IL23R: variants seen among roughly 807,000 people sequenced by gnomAD.
The protein encoded by IL23R is interleukin-23 receptor.
A neutral mutation model predicts 56.9 loss-of-function variants in IL23R; 34 were observed. That is an observed-to-expected ratio of 0.60 (90% CI 0.45 to 0.80). The LOEUF (loss-of-function observed/expected upper bound fraction) is 0.80, where lower values mean the gene tolerates loss of function less well. Ranked by LOEUF, IL23R falls within the 30% of genes least tolerant of loss-of-function variation. The pLI, the probability that IL23R is intolerant of heterozygous loss-of-function variation, is 0.00. For missense variants in IL23R, 635 were observed against 730.0 expected (o/e 0.87, Z 1.50); for synonymous variants, 230 against 249.2 (o/e 0.92, Z 0.73).
chr1:67,180,796 C>T (rs964530058), intron 3 of IL23R, among the ~76,000 whole-genome samples: 45 of 152,090 alleles, frequency 3.0e-4, no homozygotes, highest in Admixed American at 7.2e-4. Context: ...CCTTCAGGAG[C>T]TCTTTTAGGG....
chr1:67,213,444 A>G (rs537085032), intron 6 of IL23R, among the ~76,000 whole-genome samples: 11 of 152,178 alleles, frequency 7.2e-5, no homozygotes, highest in Non-Finnish European at 1.2e-4. Flanking sequence ...CCTTTAGCTA[A>G]GGTACATACA....
chr1:67,148,338 A>G (rs1646700369), intron 1 of IL23R, among the ~76,000 whole-genome samples: 2 of 152,262 alleles, frequency 1.3e-5, no homozygotes, highest in South Asian at 4.1e-4. Flanking sequence ...CAGAGCTCCC[A>G]TAGAAGGGGA....
chr1:67,157,839 T>C (rs757324041), intron 1 of IL23R, among the ~76,000 whole-genome samples: 1 of 152,240 alleles, frequency 6.6e-6, no homozygotes, highest in East Asian at 1.9e-4. Context: ...GAAAACTCCA[T>C]GGGGACCAAA....
At chr1:67,223,956 T>C (rs1433943859) in intron 7 of IL23R, among the ~76,000 whole-genome samples, 1 of 151,490 alleles carries the variant, frequency 6.6e-6, no homozygotes, top group Non-Finnish European at 1.5e-5. Context: ...TGCTGATGTA[T>C]GTTGTCGAAC....
In IL23R at chr1:67,237,536, A is replaced by G. The variant is rs1053514963; in HGVS notation, c.1045+734A>G. Among the ~76,000 whole-genome samples, 16 of 152,380 alleles carry G rather than the reference A, an allele frequency of 1.1e-4. 1 individual carries two copies. The highest frequency in any genetic ancestry group is 3.8e-4 in the African/African-American group (16 of 41,600). On this transcript the variant is annotated intron_variant, in intron 8 of 10. Coordinates refer to ENST00000347310, the MANE Select transcript of IL23R (RefSeq NM_144701.3). Reference sequence around the variant, plus strand: ...GTAGTTGAGGAAACTTTTCAAGGTCATAGAGCTGCTAAGTGACAGACTAAA... The same window carrying G: ...GTAGTTGAGGAAACTTTTCAAGGTCGTAGAGCTGCTAAGTGACAGACTAAA...
At chr1:67,141,381 T>G (rs1646636086) in intron 1 of IL23R, among the ~76,000 whole-genome samples, 1 of 152,160 alleles carries the variant, frequency 6.6e-6, no homozygotes, top group African/African-American at 2.4e-5. Context: ...GCCAAAAGAC[T>G]TTTTTCTTCT....
chr1:67,254,753 A>G (rs1331963696), intron 9 of IL23R, among the ~76,000 whole-genome samples: 1 of 152,220 alleles, frequency 6.6e-6, no homozygotes, highest in East Asian at 1.9e-4. Flanking sequence ...GTCTGAGATC[A>G]GTTTAGTCTC....
At position 67,218,323 on chromosome 1, in the gene IL23R, CATAT is replaced by C. The variant is rs775247599; in HGVS notation, c.799-1250_799-1247del. 3.1e-4 allele frequency among the ~76,000 whole-genome samples: 34 copies of C among 108,466 alleles called. No homozygotes were observed. In the South Asian group the frequency reaches 3.2e-3, roughly 10 times the overall value. The allele number at this position is 108,466 out of a possible 152,430, so 71.2% of individuals were successfully genotyped here. On this transcript the variant is annotated intron_variant, in intron 6 of 10. Coordinates refer to ENST00000347310, the MANE Select transcript of IL23R (RefSeq NM_144701.3). The stretch of plus-strand genomic sequence containing the variant: ...ATATATACATATATACACATATATG[CATAT>C]GTGTGTGTGTGTGTGTGTGTGTGTG...
chr1:67,204,905 A>G (rs553527792), intron 5 of IL23R, among the ~76,000 whole-genome samples: 2 of 152,136 alleles, frequency 1.3e-5, no homozygotes, highest in Non-Finnish European at 2.9e-5. Context: ...CAGCCTCCCA[A>G]GTAGCTGGGA....
chr1:67,215,339 A>G (rs553272632), intron 6 of IL23R, among the ~76,000 whole-genome samples: 1 of 152,294 alleles, frequency 6.6e-6, no homozygotes, highest in South Asian at 2.1e-4. Context: ...GGAATTGGGC[A>G]TGTGTTTGCA....
rs1245884517 is a variant in IL23R, at chr1:67,169,280, T to C, written c.71-62T>C. The C allele has an allele frequency of 3.1e-6, 4 of 1,272,226 alleles. No homozygotes were observed. In the African/African-American group the frequency reaches 4.5e-5, roughly 14 times the overall value. 78.8% of individuals were successfully genotyped at this position (1,272,226 alleles called of 1,614,324 possible). A position where few individuals can be genotyped will look rare whatever the true frequency, so the allele number is the denominator to read the frequency against. On this transcript the variant is annotated intron_variant, in intron 2 of 10. Transcript: ENST00000347310. ...ATAAATTTAAAATGCAATAGCATAT[T>C]CTTCTGAATCTCTTGATTTAATGTT...
intron 5 of IL23R, among the ~76,000 whole-genome samples, chr1:67,202,373 T>C (rs1280263644): frequency 1.3e-5 from 2 of 152,162 alleles, no homozygotes; most frequent in Admixed American, 6.5e-5. Flanking sequence ...AGCTGATCTA[T>C]ATTGCCACAA....
chr1:67,255,185 G>A (rs1194445755), intron 9 of IL23R, among the ~76,000 whole-genome samples: 4 of 152,054 alleles, frequency 2.6e-5, no homozygotes, highest in African/African-American at 9.7e-5. Context: ...TAAGTTTTTT[G>A]AACTTTCCCA....
rs78597383 is a variant in IL23R at position 67,184,931 on chromosome 1, C to T, written c.491+1972C>T. 4.2e-3 allele frequency among the ~76,000 whole-genome samples: 645 copies of T among 152,292 alleles called. 11 individuals are homozygous for T. The highest frequency in any genetic ancestry group is 0.032 in the Admixed American group (489 of 15,304). ...CCTCATGGATGGAATTATTGCCCTT[C>T]CATAAGAGGCCTGAAAGAGAGCTTG... is the stretch of plus-strand genomic sequence containing the variant. On this transcript the variant is annotated intron_variant, in intron 4 of 10. Coordinates refer to ENST00000347310, the MANE Select transcript of IL23R (RefSeq NM_144701.3).
intron 4 of IL23R, among the ~76,000 whole-genome samples, chr1:67,183,828 A>C (rs1647199673): frequency 6.6e-6 from 1 of 152,164 alleles, no homozygotes; most frequent in Non-Finnish European, 1.5e-5. Context: ...CCTTATACTA[A>C]GGGGGTTTTC....
At chr1:67,260,950 T>G (rs949436731), downstream of IL23R, among the ~76,000 whole-genome samples, 4 of 152,196 alleles carry the variant, frequency 2.6e-5, no homozygotes, top group Non-Finnish European at 4.4e-5. Context: ...GAATTTCTTT[T>G]TCTCCTCCAA....
At chr1:67,252,439 T>G (rs75949459) in intron 9 of IL23R, among the ~76,000 whole-genome samples, 2,108 of 152,266 alleles carry the variant, frequency 0.014, 40 homozygotes, top group African/African-American at 0.049. Context: ...CCCAGTCCAG[T>G]TTCTGTTGTG....
intron 6 of IL23R, among the ~76,000 whole-genome samples, chr1:67,210,013 C>T (rs933162388): frequency 4.6e-5 from 7 of 151,974 alleles, no homozygotes; most frequent in South Asian, 2.1e-4. Flanking sequence ...AAAAATTGTT[C>T]GGAAAGGAGA....
At chr1:67,151,196 T>C (rs536411563) in intron 1 of IL23R, among the ~76,000 whole-genome samples, 148 of 152,362 alleles carry the variant, frequency 9.7e-4, no homozygotes, top group Middle Eastern at 3.4e-3. Context: ...TGCATTTCTC[T>C]GCAGATCAGT....
Sources: allele counts gnomAD v4.1 joint callset (sites outside exome capture counted in the v4.1 genomes callset), GRCh38; gene constraint gnomAD v4.1.1; transcripts MANE v1.5; gene names NCBI Gene and HGNC (gene_info 2026-07-23, HGNC 2026-07-21).